Variants in LRRC36 observed in about 807,000 individuals in gnomAD.
The protein encoded by LRRC36 is leucine rich repeat containing 36.
Under a neutral mutation model 81.1 loss-of-function variants are expected in LRRC36, and 62 were observed. That is an observed-to-expected ratio of 0.76 (90% CI 0.62 to 0.94). LRRC36 has a LOEUF of 0.94. Ranked by LOEUF, LRRC36 falls within the 40% of genes least tolerant of loss-of-function variation. LRRC36 has a pLI of 0.00. For synonymous variants in LRRC36, 334 were observed against 348.6 expected (o/e 0.96, Z 0.47); for missense variants, 761 against 881.7 (o/e 0.86, Z 1.73).
At chr16:67,327,035 C>G (rs1222136749) in intron 1 of LRRC36, 103 bp downstream of exon 1, 3 of 1,172,624 alleles carry the variant, frequency 2.6e-6, no homozygotes, top group Non-Finnish European at 3.4e-6. Flanking sequence ...GGCGAGGGAA[C>G]CACAGAGAAG....
chr16:67,329,646 G>A (rs764737933), intron 1 of LRRC36, among the ~76,000 whole-genome samples: 4 of 152,102 alleles, frequency 2.6e-5, no homozygotes, highest in East Asian at 1.9e-4. Context: ...GGCCGGGTGC[G>A]TTGGCTCATG....
chr16:67,366,958 C>A, intron 7 of LRRC36, 59 bp from the exon 8 acceptor site: 1 of 1,379,654 alleles, frequency 7.2e-7, no homozygotes, highest in Non-Finnish European at 1.0e-6. Flanking sequence ...AGAGGTACTC[C>A]CAGCTAGGCC....
Position 67,384,969 on chromosome 16 carries a change from T to G in LRRC36, c.2145T>G (p.His715Gln), listed in dbSNP as rs146190408. Residue 715 changes from histidine to glutamine, a missense_variant, in exon 14 of 14, where the codon CAT (histidine) becomes CAG (glutamine). Physicochemically the swap from His to Gln is conservative, Grantham distance 24. This residue lies in a region of LRRC36 where 359 missense variants were observed against 388.4 expected (regional missense o/e 0.92). Coordinates refer to ENST00000329956, the MANE Select transcript of LRRC36 (RefSeq NM_018296.6). ...KALLPPEKGH[H>Q]LGRSSPFGKS... The stretch of plus-strand genomic sequence containing the variant: ...TCCTGCCTCCTGAGAAGGGTCATCA[T>G]CTGGGGAGATCATCGCCCTTTGGGA... 6 of 1,614,228 alleles carry G rather than the reference T, an allele frequency of 3.7e-6. No individual in the cohort carries two copies. The East Asian group carries it at 1.3e-4, about 36-fold the overall frequency.
chr16:67,357,723 G>A (rs1208114893), intron 5 of LRRC36, among the ~76,000 whole-genome samples: 1 of 152,180 alleles, frequency 6.6e-6, no homozygotes, highest in Non-Finnish European at 1.5e-5. Flanking sequence ...AACGGCTGAA[G>A]TGCCCTCCAG....
chr16:67,336,928 C>T (rs950174723), intron 1 of LRRC36, among the ~76,000 whole-genome samples: 6 of 151,662 alleles, frequency 4.0e-5, no homozygotes, highest in Non-Finnish European at 8.8e-5. Context: ...CCACCACACC[C>T]GGCTAATTTT....
At chr16:67,355,455 A>C (rs928054675) in intron 5 of LRRC36, among the ~76,000 whole-genome samples, 6 of 138,250 alleles carry the variant, frequency 4.3e-5, no homozygotes, top group Non-Finnish European at 9.1e-5. Context: ...GCTCACTGCA[A>C]GCTCCGCCTC....
Position 67,382,382 on chromosome 16 carries a change from G to T in LRRC36, c.2045+135G>T, listed in dbSNP as rs909116148. 1.5e-5 allele frequency: 9 copies of T among 610,422 alleles called. No homozygotes were observed. In the Admixed American group the frequency reaches 1.5e-4, roughly 10 times the overall value. The allele number at this position is 610,422 out of a possible 1,614,324, so 37.8% of individuals were successfully genotyped here. A position where few individuals can be genotyped will look rare whatever the true frequency, so the allele number is the denominator to read the frequency against. On this transcript the variant is annotated intron_variant, in intron 13 of 13. Transcript: ENST00000329956. Reference sequence around the variant, plus strand: ...TCTGTGTGTAAACCTCCTGTATCTGGCCAGTTAGCTCAGGGATTATAAAAA... The same window carrying T: ...TCTGTGTGTAAACCTCCTGTATCTGTCCAGTTAGCTCAGGGATTATAAAAA...
Position 67,384,965 on chromosome 16 carries a change from A to G in LRRC36, c.2141A>G (p.His714Arg), listed in dbSNP as rs202001300. 3.1e-6 allele frequency: 5 copies of G among 1,614,242 alleles called. No individual in the cohort carries two copies. Among genetic ancestry groups the G allele is most frequent in the Non-Finnish European group, 4.2e-6 (5 of 1,180,050 alleles). The change falls in exon 14 of 14, where the codon CAT becomes CGT. Residue 714 changes from histidine to arginine, a missense_variant. This residue lies in a region of LRRC36 where 359 missense variants were observed against 388.4 expected (regional missense o/e 0.92). Transcript: ENST00000329956. ...GCGCTCCTGCCTCCTGAGAAGGGTCATCATCTGGGGAGATCATCGCCCTTT... is the reference window on the plus strand; with the variant it reads ...GCGCTCCTGCCTCCTGAGAAGGGTCGTCATCTGGGGAGATCATCGCCCTTT... ...GKALLPPEKG[H>R]HLGRSSPFGK...
chr16:67,329,603 G>A (rs2037375832), intron 1 of LRRC36, among the ~76,000 whole-genome samples: 1 of 152,016 alleles, frequency 6.6e-6, no homozygotes, highest in Admixed American at 6.6e-5. Context: ...TATTTCCCCA[G>A]TTGTCCTATA....
intron 8 of LRRC36, among the ~76,000 whole-genome samples, chr16:67,369,304 A>G (rs1434898776): frequency 6.6e-6 from 1 of 152,204 alleles, no homozygotes; most frequent in Admixed American, 6.5e-5. Context: ...GATAGAGGGG[A>G]AAAAGCCAAG....
chr16:67,359,470 A>T (rs1286529814), intron 5 of LRRC36, among the ~76,000 whole-genome samples: 1 of 152,170 alleles, frequency 6.6e-6, no homozygotes, highest in Non-Finnish European at 1.5e-5. Flanking sequence ...TTGCCAGAGG[A>T]TGGAAGGGAG....
Position 67,358,193 on chromosome 16 carries a change from T to C in LRRC36, c.578-5397T>C, listed in dbSNP as rs2038986439. On this transcript the variant is annotated intron_variant, in intron 5 of 13. Coordinates refer to ENST00000329956, the MANE Select transcript of LRRC36 (RefSeq NM_018296.6). ...TTTTTTTTTTTTTCAAGAGTGATCC[T>C]GTATCTTGGATATGACACAAAAAAC... Among the ~76,000 whole-genome samples, 8 of 150,800 alleles carry C rather than the reference T, an allele frequency of 5.3e-5. No homozygotes were observed. In the South Asian group the frequency reaches 1.7e-3, roughly 32 times the overall value.
In LRRC36 at chr16:67,350,298, TTCTCC is replaced by T. The variant is rs2038564074; in HGVS notation, c.577+9_577+13del. 1.9e-6 allele frequency: 3 copies of T among 1,603,034 alleles called. No homozygotes were observed. Among genetic ancestry groups the T allele is most frequent in the Admixed American group, 1.7e-5 (1 of 59,126 alleles). On this transcript the variant is annotated intron_variant, in intron 5 of 13. Coordinates refer to ENST00000329956, the MANE Select transcript of LRRC36 (RefSeq NM_018296.6). ...ACAGCAGGATTGAAATGGGTAAGTT[TTCTCC>T]CTGTGATTATAAAATGATTAAAACA...
At chr16:67,332,712 A>T (rs1200619968) in intron 1 of LRRC36, among the ~76,000 whole-genome samples, 14 of 152,158 alleles carry the variant, frequency 9.2e-5, no homozygotes, top group Non-Finnish European at 1.6e-4. Flanking sequence ...TCTGCTCTTC[A>T]AAATAGACTG....
At chr16:67,344,019 G>A (rs952743831) in intron 2 of LRRC36, among the ~76,000 whole-genome samples, 66 of 151,914 alleles carry the variant, frequency 4.3e-4, no homozygotes, top group African/African-American at 1.4e-3. Flanking sequence ...GTTTCACCAT[G>A]TTAGCCAGGT....
intron 2 of LRRC36, among the ~76,000 whole-genome samples, chr16:67,343,964 C>T (rs1013769729): frequency 6.6e-6 from 1 of 151,738 alleles, no homozygotes; most frequent in African/African-American, 2.4e-5. Context: ...TTACAGGCAC[C>T]CACCACCACA....
intron 9 of LRRC36, among the ~76,000 whole-genome samples, chr16:67,372,313 C>T (rs558193864): frequency 3.3e-5 from 5 of 151,354 alleles, no homozygotes; most frequent in East Asian, 1.9e-4. Context: ...GCCGAGATCG[C>T]GCCATTGCAC....
At chr16:67,349,041 C>G (rs1215238241) in intron 4 of LRRC36, among the ~76,000 whole-genome samples, 5 of 152,090 alleles carry the variant, frequency 3.3e-5, no homozygotes, top group African/African-American at 9.7e-5. Context: ...AGTCACTCTT[C>G]TTTAGATAGA....
At chr16:67,333,923 T>G (rs2037622866) in intron 1 of LRRC36, among the ~76,000 whole-genome samples, 1 of 152,178 alleles carries the variant, frequency 6.6e-6, no homozygotes. Context: ...CCAATATTGA[T>G]GCGATTATTA....
Sources: gnomAD v4.1 joint callset for allele counts (sites outside exome capture counted in the v4.1 genomes callset) on GRCh38, gnomAD v4.1.1 for gene constraint, gnomAD v4.1.1 regional missense constraint, MANE v1.5 for transcripts, NCBI Gene and HGNC (gene_info 2026-07-23, HGNC 2026-07-21) for gene names.